The following FRMD3 variants were observed in gnomAD, a reference collection of about 807,000 sequenced individuals.
FRMD3 encodes the protein FERM domain-containing protein 3.
FRMD3 carries 33 observed loss-of-function variants against 70.2 expected under a neutral mutation model. That is an observed-to-expected ratio of 0.47 (90% CI 0.36 to 0.63). FRMD3 has a LOEUF of 0.63. Ranked by LOEUF, FRMD3 falls within the 20% of genes least tolerant of loss-of-function variation. FRMD3 has a pLI of 0.00. For missense variants in FRMD3, 632 were observed against 711.4 expected, an observed-to-expected ratio of 0.89 and a Z score of 1.27; for synonymous variants, 279 against 255.9, an observed-to-expected ratio of 1.09 and a Z score of -0.86.
intron 1 of FRMD3, among the ~76,000 whole-genome samples, chr9:83,407,517 G>A (rs1326883461): frequency 3.3e-5 from 5 of 152,104 alleles, no homozygotes; most frequent in African/African-American, 9.7e-5. Flanking sequence ...TACCCTCCTT[G>A]GAGGCTATAT....
At position 83,245,287 on chromosome 9, in the gene FRMD3, C is replaced by A; in HGVS notation, c.*2631G>T. ...TATATCTCACTCTATAATATACTGT[C>A]CATCTCTGGAAGCAGGCTTTTCCTC... On this transcript the variant is annotated 3_prime_UTR_variant, in exon 14 of 14. Transcript: ENST00000304195. 1 of 985,402 alleles carries A rather than the reference C, an allele frequency of 1.0e-6. No homozygotes were observed. Among genetic ancestry groups the A allele is most frequent in the Non-Finnish European group, 1.2e-6 (1 of 829,914 alleles). 61.0% of individuals were successfully genotyped at this position (985,402 alleles called of 1,614,324 possible).
intron 1 of FRMD3, among the ~76,000 whole-genome samples, chr9:83,507,776 G>A (rs1281973458): frequency 1.4e-4 from 18 of 133,172 alleles, no homozygotes; most frequent in African/African-American, 4.7e-4. Context: ...CCCAGGGGCT[G>A]TTTTACAGTT....
intron 6 of FRMD3, among the ~76,000 whole-genome samples, chr9:83,315,175 T>C (rs1286264843): frequency 6.6e-6 from 1 of 152,162 alleles, no homozygotes; most frequent in Non-Finnish European, 1.5e-5. Flanking sequence ...GGGTACCACT[T>C]CATTTCTATT....
At chr9:83,545,160 A>G in the FRMD3 span, among the ~76,000 whole-genome samples, 1 of 152,168 alleles carries the variant, frequency 6.6e-6, no homozygotes, top group Admixed American at 6.5e-5. Context: ...ATGAATGAAA[A>G]ATTTACTAAG....
At chr9:83,429,816 G>A (rs550347657) in intron 1 of FRMD3, among the ~76,000 whole-genome samples, 1 of 152,018 alleles carries the variant, frequency 6.6e-6, no homozygotes, top group South Asian at 2.1e-4. Flanking sequence ...ATTTGTTCAG[G>A]GATCTCATTC....
intron 1 of FRMD3, among the ~76,000 whole-genome samples, chr9:83,501,853 T>C (rs376621652): frequency 6.6e-6 from 1 of 152,172 alleles, no homozygotes; most frequent in Admixed American, 6.5e-5. Context: ...TGCATTTGAG[T>C]AGAGAGGGAA....
At chr9:83,566,284 A>T in the FRMD3 span, among the ~76,000 whole-genome samples, 169 of 152,298 alleles carry the variant, frequency 1.1e-3, 1 homozygote, top group Non-Finnish European at 1.1e-3. Flanking sequence ...TCAGGAGAAT[A>T]GCATGGGAAA....
chr9:83,540,942 G>A (rs1829992813), upstream of FRMD3, among the ~76,000 whole-genome samples: 1 of 152,232 alleles, frequency 6.6e-6, no homozygotes, highest in South Asian at 2.1e-4. Context: ...CAGCAGGAAA[G>A]AGTGGGAATC....
intron 13 of FRMD3, among the ~76,000 whole-genome samples, chr9:83,273,440 G>A (rs975376742): frequency 4.0e-5 from 6 of 151,222 alleles, no homozygotes; most frequent in African/African-American, 9.8e-5. Flanking sequence ...CAGCATACTG[G>A]TTAAGAGTCA....
At chr9:83,378,753 TATATAATTTATATTATATATA>T (rs1825254231) in intron 2 of FRMD3, among the ~76,000 whole-genome samples, 1 of 123,742 alleles carries the variant, frequency 8.1e-6, no homozygotes, top group African/African-American at 3.4e-5. Context: ...TTATATATAA[TATATAATTTATATTATATATA>T]ATATATATTA....
intron 2 of FRMD3, among the ~76,000 whole-genome samples, chr9:83,384,177 T>C (rs1825443277): frequency 6.6e-6 from 1 of 152,244 alleles, no homozygotes; most frequent in Admixed American, 6.5e-5. Context: ...CTTTAATACC[T>C]TTTGAAACGT....
At chr9:83,389,808 T>C (rs909148928) in intron 1 of FRMD3, 100 bp from the exon 2 acceptor site, 2 of 784,470 alleles carry the variant, frequency 2.5e-6, no homozygotes, top group African/African-American at 3.4e-5. Flanking sequence ...TTCTGAAAAA[T>C]AAATGTGCTC....
intron 13 of FRMD3, among the ~76,000 whole-genome samples, chr9:83,253,680 A>G (rs752791058): frequency 6.6e-6 from 1 of 152,180 alleles, no homozygotes; most frequent in Non-Finnish European, 1.5e-5. Flanking sequence ...CTGTAAGCTA[A>G]TTCAACCATT....
chr9:83,277,143 T>A (rs1833820441), intron 13 of FRMD3, among the ~76,000 whole-genome samples: 3 of 152,214 alleles, frequency 2.0e-5, no homozygotes, highest in Admixed American at 2.0e-4. Flanking sequence ...ATATTGTATG[T>A]CCATTGAATA....
chr9:83,464,797 C>T (rs1828074817), intron 1 of FRMD3, among the ~76,000 whole-genome samples: 1 of 151,880 alleles, frequency 6.6e-6, no homozygotes, highest in East Asian at 1.9e-4. Context: ...GGTGGGCGGA[C>T]CACTTGAGGT....
intron 4 of FRMD3, among the ~76,000 whole-genome samples, chr9:83,345,398 A>G (rs1264595326): frequency 6.6e-6 from 1 of 152,150 alleles, no homozygotes. Flanking sequence ...AATTACTTGA[A>G]GAGTTTGTTA....
Position 83,378,830 on chromosome 9 carries a change from T to TATATATACTATATATAAATTTTATATAA in FRMD3, c.253-5903_253-5876dup, listed in dbSNP as rs1564048059. On this transcript the variant is annotated intron_variant, in intron 2 of 13. Transcript: ENST00000304195. Reference sequence around the variant, plus strand: ...ATACTATATATAAATTTTATATAAATATATATACTATATATAAATTTTATA... The same window carrying TATATATACTATATATAAATTTTATATAA: ...ATACTATATATAAATTTTATATAAATATATATACTATATATAAATTTTATATAAATATATACTATATATAAATTTTATA... Among the ~76,000 whole-genome samples the TATATATACTATATATAAATTTTATATAA allele has an allele frequency of 2.2e-3, 298 of 133,266 alleles. 2 individuals are homozygous for TATATATACTATATATAAATTTTATATAA. The highest frequency in any genetic ancestry group is 7.9e-3 in the African/African-American group (274 of 34,474). The allele number at this position is 133,266 out of a possible 152,430, so 87.4% of individuals were successfully genotyped here.
chr9:83,420,060 ACAG>A (rs1356706478), intron 1 of FRMD3, among the ~76,000 whole-genome samples: 2 of 152,190 alleles, frequency 1.3e-5, no homozygotes, highest in South Asian at 2.1e-4. Context: ...TATAAAACAG[ACAG>A]CAGTTGCCAA....
chr9:83,566,534 T>A, the FRMD3 span, among the ~76,000 whole-genome samples: 9 of 152,130 alleles, frequency 5.9e-5, no homozygotes, highest in African/African-American at 2.2e-4. Flanking sequence ...CAAAGTCTCA[T>A]CTGAGACAAA....
Sources: allele counts gnomAD v4.1 joint callset (sites outside exome capture counted in the v4.1 genomes callset), GRCh38; gene constraint gnomAD v4.1.1; transcripts MANE v1.5; gene names NCBI Gene and HGNC (gene_info 2026-07-23, HGNC 2026-07-21).